GSG1L: variants seen among roughly 807,000 people sequenced by gnomAD.
GSG1L encodes GSG1 like, also known as germ cell-specific gene 1-like protein.
In GSG1L, 24 loss-of-function variants were observed where a neutral mutation model predicts 42.1. The ratio of observed to expected loss-of-function variants is 0.57; its 90% confidence interval spans 0.41 to 0.80. The LOEUF (loss-of-function observed/expected upper bound fraction) is 0.80. Ranked by LOEUF, GSG1L falls within the 30% of genes least tolerant of loss-of-function variation. GSG1L has a pLI of 0.00. For synonymous variants in GSG1L, 215 were observed against 203.5 expected, an observed-to-expected ratio of 1.06 and a Z score of -0.48; for missense variants, 445 against 472.2, an observed-to-expected ratio of 0.94 and a Z score of 0.53.
At chr16:27,921,598 C>T (rs182076749) in intron 2 of GSG1L, among the ~76,000 whole-genome samples, 2 of 152,320 alleles carry the variant, frequency 1.3e-5, no homozygotes, top group East Asian at 3.9e-4. Flanking sequence ...GGATTTCCCT[C>T]TCCCTCATTT....
chr16:28,019,840 T>G (rs187254887), intron 1 of GSG1L, among the ~76,000 whole-genome samples: 1 of 152,320 alleles, frequency 6.6e-6, no homozygotes, highest in African/African-American at 2.4e-5. Flanking sequence ...AGACAGAGCA[T>G]GTGCACTCCT....
At chr16:27,938,763 T>A (rs1318301474) in intron 2 of GSG1L, among the ~76,000 whole-genome samples, 1 of 152,178 alleles carries the variant, frequency 6.6e-6, no homozygotes, top group African/African-American at 2.4e-5. Context: ...TCTGAAAGCA[T>A]GGTGGTAGGA....
intron 1 of GSG1L, among the ~76,000 whole-genome samples, chr16:27,967,229 C>T (rs566331879): frequency 6.6e-6 from 1 of 152,330 alleles, no homozygotes; most frequent in African/African-American, 2.4e-5. Context: ...GCCCCTTTGG[C>T]CTCCTGAACC....
chr16:27,800,373 C>T (rs1163566174), intron 6 of GSG1L, among the ~76,000 whole-genome samples: 2 of 152,312 alleles, frequency 1.3e-5, no homozygotes, highest in Non-Finnish European at 2.9e-5. Context: ...CACCTCCGCG[C>T]CCAGCATGCG....
intron 2 of GSG1L, among the ~76,000 whole-genome samples, chr16:27,930,575 C>T (rs1346918355): frequency 6.6e-6 from 1 of 152,144 alleles, no homozygotes; most frequent in African/African-American, 2.4e-5. Context: ...GAAATGTGCA[C>T]TGATGGAAGG....
chr16:27,948,163 C>T (rs1445290408), intron 2 of GSG1L, among the ~76,000 whole-genome samples: 2 of 152,286 alleles, frequency 1.3e-5, no homozygotes, highest in East Asian at 3.9e-4. Context: ...AAGGCTAGGA[C>T]TCTGCAGCCC....
chr16:28,046,001 A>G (rs1253583136), intron 1 of GSG1L, among the ~76,000 whole-genome samples: 2 of 152,184 alleles, frequency 1.3e-5, no homozygotes, highest in Admixed American at 6.5e-5. Flanking sequence ...TTCTCCAGAA[A>G]AATAAAAATT....
intron 1 of GSG1L, among the ~76,000 whole-genome samples, chr16:28,008,362 A>C (rs535222645): frequency 1.3e-5 from 2 of 152,088 alleles, no homozygotes; most frequent in African/African-American, 2.4e-5. Flanking sequence ...TTACAGGCAT[A>C]AGCCACCACG....
chr16:28,026,604 T>C (rs1404879009), intron 1 of GSG1L, among the ~76,000 whole-genome samples: 2 of 152,214 alleles, frequency 1.3e-5, no homozygotes, highest in Non-Finnish European at 2.9e-5. Context: ...TCTGCTGGGC[T>C]TGGCCGGTCT....
At position 27,816,051 on chromosome 16, in the gene GSG1L, C is replaced by A. The variant is rs892073323; in HGVS notation, c.831-8497G>T. 7.9e-5 allele frequency among the ~76,000 whole-genome samples: 12 copies of A among 152,164 alleles called. 1 individual carries two copies. Among genetic ancestry groups the A allele is most frequent in the Non-Finnish European group, 1.8e-4 (12 of 68,020 alleles). ...GCCTGGTGCTTGCCATTATTATCAC[C>A]ATATTATTGTTACTGTTGTCACCAT... On this transcript the variant is annotated intron_variant, in intron 5 of 6. Coordinates refer to ENST00000447459, the MANE Select transcript of GSG1L (RefSeq NM_001109763.2).
At chr16:27,952,528 TG>T (rs1395033536) in intron 2 of GSG1L, among the ~76,000 whole-genome samples, 1 of 152,096 alleles carries the variant, frequency 6.6e-6, no homozygotes, top group Non-Finnish European at 1.5e-5. Flanking sequence ...ATGGATAGTT[TG>T]GGGGAAATGG....
At chr16:27,982,393 C>CA (rs1363048918) in intron 1 of GSG1L, among the ~76,000 whole-genome samples, 1 of 152,126 alleles carries the variant, frequency 6.6e-6, no homozygotes, top group African/African-American at 2.4e-5. Context: ...GTCATGTGAG[C>CA]AGTGGGTCAC....
chr16:27,939,971 G>C (rs1055133961), intron 2 of GSG1L, among the ~76,000 whole-genome samples: 1 of 152,144 alleles, frequency 6.6e-6, no homozygotes, highest in East Asian at 1.9e-4. Flanking sequence ...ATAAGCCATC[G>C]TGCCTGGCTG....
At chr16:27,885,352 T>G (rs2084014823) in intron 2 of GSG1L, among the ~76,000 whole-genome samples, 1 of 152,052 alleles carries the variant, frequency 6.6e-6, no homozygotes, top group African/African-American at 2.4e-5. Flanking sequence ...TCTCGCCATA[T>G]TGCCCAGGCT....
At chr16:27,837,358 G>A (rs2083332573) in intron 4 of GSG1L, among the ~76,000 whole-genome samples, 1 of 151,862 alleles carries the variant, frequency 6.6e-6, no homozygotes, top group Non-Finnish European at 1.5e-5. Context: ...ACAATTCAAG[G>A]TGAGATTTGT....
chr16:27,869,491 TTCTC>T (rs202144280), intron 3 of GSG1L, among the ~76,000 whole-genome samples: 47 of 132,186 alleles, frequency 3.6e-4, no homozygotes, highest in Non-Finnish European at 6.0e-4. Flanking sequence ...CTCTCTCTCC[TTCTC>T]TCTCTCTCTG....
At chr16:27,888,425 TTTCTTTC>T (rs1567505532) in intron 2 of GSG1L, among the ~76,000 whole-genome samples, 2 of 20,322 alleles carry the variant, frequency 9.8e-5, no homozygotes, top group African/African-American at 2.0e-4. Context: ...TCTTTCTTTC[TTTCTTTC>T]TTTCTTTCTT....
At chr16:27,901,538 A>T (rs2084257867) in intron 2 of GSG1L, among the ~76,000 whole-genome samples, 1 of 152,152 alleles carries the variant, frequency 6.6e-6, no homozygotes, top group Non-Finnish European at 1.5e-5. Context: ...CTGCTACAGG[A>T]GCGGTTCTCA....
intron 1 of GSG1L, among the ~76,000 whole-genome samples, chr16:28,032,737 T>A (rs1379220311): frequency 6.6e-6 from 1 of 152,170 alleles, no homozygotes; most frequent in African/African-American, 2.4e-5. Context: ...ATCTAGGAGT[T>A]GTCCAAAATG....
Sources: gnomAD v4.1 joint callset for allele counts (sites outside exome capture counted in the v4.1 genomes callset) on GRCh38, gnomAD v4.1.1 for gene constraint, MANE v1.5 for transcripts, NCBI Gene and HGNC (gene_info 2026-07-23, HGNC 2026-07-21) for gene names.